Variants in SHISA9 observed in about 807,000 individuals in gnomAD.
SHISA9 encodes the protein shisa family member 9.
SHISA9 carries 13 observed loss-of-function variants against 38.0 expected under a neutral mutation model. That is an observed-to-expected ratio of 0.34 (90% CI 0.22 to 0.54). The LOEUF (loss-of-function observed/expected upper bound fraction) is 0.54. SHISA9 is among the 20% of genes least tolerant of loss of function. The probability of loss-of-function intolerance (pLI) is 0.91; values close to 1 mark genes in which losing one functional copy is unlikely to be tolerated. For missense variants in SHISA9, 538 were observed against 575.8 expected (o/e 0.93, Z 0.67); for synonymous variants, 275 against 242.0 (o/e 1.14, Z -1.27).
intron 2 of SHISA9, among the ~76,000 whole-genome samples, chr16:13,117,466 G>A (rs534293132): frequency 6.6e-6 from 1 of 152,300 alleles, no homozygotes; most frequent in Admixed American, 6.5e-5. Flanking sequence ...GGTAAAAAGG[G>A]TCTTGCAGAT....
intron 2 of SHISA9, among the ~76,000 whole-genome samples, chr16:13,096,005 C>A (rs2073822268): frequency 6.6e-6 from 1 of 152,226 alleles, no homozygotes; most frequent in Non-Finnish European, 1.5e-5. Context: ...TTGAGAACCA[C>A]TACTTTGGTG....
chr16:13,545,314 T>C, the SHISA9 span, among the ~76,000 whole-genome samples: 1 of 152,286 alleles, frequency 6.6e-6, no homozygotes, highest in South Asian at 2.1e-4. Context: ...CCAGGATAAG[T>C]TTCCCTTTAA....
At chr16:13,395,348 G>C in the SHISA9 span, among the ~76,000 whole-genome samples, 132 of 152,306 alleles carry the variant, frequency 8.7e-4, no homozygotes, top group African/African-American at 3.0e-3. Flanking sequence ...CCAATCTAAT[G>C]ACTTAAAACA....
At chr16:13,247,536 C>T in the SHISA9 span, among the ~76,000 whole-genome samples, 3 of 152,278 alleles carry the variant, frequency 2.0e-5, no homozygotes, top group Admixed American at 2.0e-4. Context: ...ACTTAACCCT[C>T]TCAAAGTTCC....
the SHISA9 span, among the ~76,000 whole-genome samples, chr16:13,325,160 C>A: frequency 1.1e-3 from 171 of 152,308 alleles, no homozygotes; most frequent in African/African-American, 4.0e-3. Flanking sequence ...AGATTCTCTA[C>A]AGAATGCAAA....
the SHISA9 span, among the ~76,000 whole-genome samples, chr16:13,521,412 A>C: frequency 6.6e-6 from 1 of 152,226 alleles, no homozygotes; most frequent in South Asian, 2.1e-4. Context: ...ATTTGCGTCT[A>C]ATGCCCTGTA....
intron 2 of SHISA9, among the ~76,000 whole-genome samples, chr16:13,032,882 T>A (rs1303934133): frequency 2.0e-5 from 3 of 152,100 alleles, no homozygotes; most frequent in Non-Finnish European, 2.9e-5. Context: ...CAATTCATAA[T>A]AGCTAAGACA....
chr16:13,296,460 C>T, the SHISA9 span, among the ~76,000 whole-genome samples: 4 of 151,468 alleles, frequency 2.6e-5, no homozygotes, highest in East Asian at 1.9e-4. Context: ...TCACTGTGTC[C>T]GAGAATACTG....
the SHISA9 span, among the ~76,000 whole-genome samples, chr16:13,509,385 C>A: frequency 6.6e-6 from 1 of 152,122 alleles, no homozygotes; most frequent in African/African-American, 2.4e-5. Flanking sequence ...GGATTCAAAG[C>A]ATGCCTCCAT....
intron 2 of SHISA9, among the ~76,000 whole-genome samples, chr16:13,078,831 G>A (rs1480598904): frequency 6.6e-6 from 1 of 152,186 alleles, no homozygotes; most frequent in Non-Finnish European, 1.5e-5. Flanking sequence ...ATTTAATTCT[G>A]CAGCAACCTG....
chr16:13,416,203 A>T, the SHISA9 span, among the ~76,000 whole-genome samples: 3 of 152,242 alleles, frequency 2.0e-5, no homozygotes, highest in Non-Finnish European at 4.4e-5. Context: ...GCTTATAGAA[A>T]GAGTTATAAA....
intron 2 of SHISA9, among the ~76,000 whole-genome samples, chr16:12,949,765 G>T (rs2071731503): frequency 2.0e-5 from 3 of 151,326 alleles, no homozygotes; most frequent in South Asian, 4.2e-4. Flanking sequence ...CATATTTGTG[G>T]GGTACTTATG....
At chr16:12,916,886 C>T (rs1392315883) in intron 2 of SHISA9, 71 bp downstream of exon 2, 8 of 1,501,486 alleles carry the variant, frequency 5.3e-6, no homozygotes, top group Non-Finnish European at 6.2e-6. Context: ...TGCCAGATTT[C>T]GTGGAGTGTG....
chr16:12,939,932 C>T (rs2071586923), intron 2 of SHISA9, among the ~76,000 whole-genome samples: 1 of 152,186 alleles, frequency 6.6e-6, no homozygotes, highest in Non-Finnish European at 1.5e-5. Flanking sequence ...CCTCATCCTC[C>T]TCCTAGGTGA....
the SHISA9 span, among the ~76,000 whole-genome samples, chr16:13,553,351 A>G: frequency 2.0e-5 from 3 of 152,200 alleles, no homozygotes; most frequent in Admixed American, 1.3e-4. Context: ...ACTATTGAAC[A>G]CTCTATCTCA....
At chr16:13,323,385 T>C in the SHISA9 span, among the ~76,000 whole-genome samples, 2 of 152,182 alleles carry the variant, frequency 1.3e-5, no homozygotes, top group East Asian at 1.9e-4. Flanking sequence ...TCCTCAGTCA[T>C]TGAGTGGAAG....
Position 13,206,010 on chromosome 16 carries a change from C to A in SHISA9, c.847+2461C>A, listed in dbSNP as rs1032773065. ...GAACTCCTGACTTCAAATGATTTTC[C>A]CAGCTTGGCCTCCCAAAGTGCTGAG... is the stretch of plus-strand genomic sequence containing the variant. On this transcript the variant is annotated intron_variant, in intron 3 of 4. Transcript: ENST00000558583. 1.1e-4 allele frequency among the ~76,000 whole-genome samples: 17 copies of A among 151,756 alleles called. 1 individual carries two copies. Among genetic ancestry groups the A allele is most frequent in the Admixed American group, 9.9e-4 (15 of 15,218 alleles).
At chr16:13,360,901 C>G in the SHISA9 span, among the ~76,000 whole-genome samples, 1 of 152,134 alleles carries the variant, frequency 6.6e-6, no homozygotes, top group Admixed American at 6.6e-5. Flanking sequence ...TCTGGTTGCC[C>G]ATAGTAGTAA....
the SHISA9 span, among the ~76,000 whole-genome samples, chr16:13,428,392 A>G: frequency 6.6e-6 from 1 of 152,200 alleles, no homozygotes; most frequent in East Asian, 1.9e-4. Flanking sequence ...GGATGACCAA[A>G]AAGCTGTCAA....
Sources: allele counts gnomAD v4.1 joint callset (sites outside exome capture counted in the v4.1 genomes callset), GRCh38; gene constraint gnomAD v4.1.1; transcripts MANE v1.5; gene names NCBI Gene and HGNC (gene_info 2026-07-23, HGNC 2026-07-21).